Variants in SNRNP27 observed in about 807,000 individuals in gnomAD.
SNRNP27 encodes the protein small nuclear ribonucleoprotein U4/U6.U5 subunit 27, also known as U4/U6.U5 small nuclear ribonucleoprotein 27 kDa protein.
In SNRNP27, 22 loss-of-function variants were observed where a neutral mutation model predicts 25.1. The ratio of observed to expected loss-of-function variants is 0.88; its 90% CI spans 0.63 to 1.25. The LOEUF (loss-of-function observed/expected upper bound fraction) is 1.25. Ranked by LOEUF, SNRNP27 falls within the 50% of genes most tolerant of loss-of-function variation. SNRNP27 has a pLI of 0.00. For synonymous variants in SNRNP27, 66 were observed against 64.9 expected (o/e 1.02, Z -0.08); for missense variants, 150 against 202.3 (o/e 0.74, Z 1.57).
chr2:69,901,793 C>T (rs1352015964), intron 4 of SNRNP27, among the ~76,000 whole-genome samples: 1 of 152,166 alleles, frequency 6.6e-6, no homozygotes, highest in Non-Finnish European at 1.5e-5. Flanking sequence ...TGCACTCCAA[C>T]CTGGCGACAG....
intron 1 of SNRNP27, 47 bp downstream of exon 1, chr2:69,894,065 T>C (rs2278934): frequency 0.27 from 409,754 of 1,525,808 alleles, 58,877 homozygotes; most frequent in African/African-American, 0.5. Context: ...GTTGGAGGCC[T>C]GTCCCTTTTG....
At chr2:69,901,220 G>A (rs1676691715) in intron 4 of SNRNP27, among the ~76,000 whole-genome samples, 1 of 151,944 alleles carries the variant, frequency 6.6e-6, no homozygotes, top group Admixed American at 6.6e-5. Flanking sequence ...CTGTGAGGAA[G>A]GCACAGTTAA....
At chr2:69,902,533 G>A (rs1020501795) in intron 4 of SNRNP27, among the ~76,000 whole-genome samples, 1 of 150,706 alleles carries the variant, frequency 6.6e-6, no homozygotes, top group Admixed American at 6.6e-5. Context: ...TCTAGCTTCT[G>A]CTTCTGCTTC....
intron 4 of SNRNP27, among the ~76,000 whole-genome samples, chr2:69,900,957 C>T (rs1364916277): frequency 2.6e-5 from 4 of 151,864 alleles, no homozygotes; most frequent in South Asian, 2.1e-4. Context: ...CGGGGGATCA[C>T]GAGGTCAAGA....
chr2:69,895,305 G>T, intron 2 of SNRNP27, 91 bp downstream of exon 2: 1 of 1,455,036 alleles, frequency 6.9e-7, no homozygotes, highest in South Asian at 1.3e-5. Context: ...TCGCTTATAA[G>T]GGGATTTACG....
At position 69,896,557 on chromosome 2, in the gene SNRNP27, A is replaced by G. The variant is rs772723588; in HGVS notation, c.268+9A>G. On this transcript the variant is annotated intron_variant, in intron 3 of 5. Coordinates refer to ENST00000244227, the MANE Select transcript of SNRNP27 (RefSeq NM_006857.3). ...AGAACGGCAGATTACTGGTAATGTT[A>G]TTAGATAAATAACTGTAGGAAAAGT... 5.7e-6 allele frequency: 9 copies of G among 1,589,224 alleles called. No homozygotes were observed. The East Asian group carries it at 1.8e-4, about 32-fold the overall frequency.
intron 4 of SNRNP27, among the ~76,000 whole-genome samples, chr2:69,902,126 CAG>C (rs904304713): frequency 3.3e-5 from 5 of 152,200 alleles, no homozygotes; most frequent in Admixed American, 6.5e-5. Context: ...AAAATGTGAG[CAG>C]AGAGTTATAC....
At chr2:69,898,689 CAG>C (rs770155916) in intron 4 of SNRNP27, among the ~76,000 whole-genome samples, 2 of 151,888 alleles carry the variant, frequency 1.3e-5, no homozygotes. Flanking sequence ...TTTAAAATGA[CAG>C]TGTGTAACTT....
intron 4 of SNRNP27, among the ~76,000 whole-genome samples, chr2:69,901,140 C>T (rs1289008598): frequency 2.0e-5 from 3 of 150,722 alleles, no homozygotes; most frequent in Non-Finnish European, 4.4e-5. Context: ...CGCCACTGCA[C>T]TCTAGCCTAG....
rs756255283 is a variant in SNRNP27, at chr2:69,897,468, G to A, written c.348+12G>A. On this transcript the variant is annotated intron_variant, in intron 4 of 5. Transcript: ENST00000244227. The stretch of plus-strand genomic sequence containing the variant: ...TTGACTCCACAAAAGTAAGTAAAAC[G>A]TGCAACATTCTCATTTGAATTAATA... The A allele has an allele frequency of 8.9e-6, 14 of 1,575,670 alleles. No homozygotes were observed. The South Asian group carries it at 1.0e-4, about 11-fold the overall frequency.
chr2:69,903,284 T>C (rs1162112492), intron 5 of SNRNP27, 39 bp downstream of exon 5: 1 of 1,443,830 alleles, frequency 6.9e-7, no homozygotes, highest in African/African-American at 1.4e-5. Context: ...AACTAATAAA[T>C]CAGTTTTTTA....
intron 5 of SNRNP27, 68 bp from the exon 6 acceptor site, chr2:69,904,186 A>G: frequency 1.0e-6 from 1 of 965,358 alleles, no homozygotes; most frequent in Non-Finnish European, 1.5e-6. Flanking sequence ...TCTCTGATGC[A>G]TGTTTTTTTT....
intron 1 of SNRNP27, 29 bp downstream of exon 1, chr2:69,894,047 G>A (rs752554741): frequency 3.7e-6 from 6 of 1,602,930 alleles, no homozygotes; most frequent in Middle Eastern, 1.7e-4. Flanking sequence ...CGGAGGATAT[G>A]GGGCTCTGTT....
rs1295353949 is a variant in SNRNP27 at position 69,904,831 on chromosome 2, CAA to C, written c.*529_*530del. On this transcript the variant is annotated 3_prime_UTR_variant, in exon 6 of 6. Coordinates refer to ENST00000244227, the MANE Select transcript of SNRNP27 (RefSeq NM_006857.3). ...TCTTCTGTGGTCGCCCGCCCCCCCCCAAAAAAATACCATTTATGGTTCTCTCC... is the reference window on the plus strand; with the variant it reads ...TCTTCTGTGGTCGCCCGCCCCCCCCCAAAAATACCATTTATGGTTCTCTCC... 1 of 147,896 alleles carries C rather than the reference CAA, an allele frequency of 6.8e-6. No homozygotes were observed. The highest frequency in any genetic ancestry group is 1.5e-5 in the Non-Finnish European group (1 of 67,538). 9.2% of individuals were successfully genotyped at this position (147,896 alleles called of 1,614,324 possible).
chr2:69,902,192 CCTT>C (rs1282444577), intron 4 of SNRNP27, among the ~76,000 whole-genome samples: 1 of 38,640 alleles, frequency 2.6e-5, no homozygotes, highest in South Asian at 7.4e-4. Flanking sequence ...GGACTCTCCT[CCTT>C]CCTCCTTCCT....
intron 5 of SNRNP27, chr2:69,903,530 T>C: frequency 3.0e-6 from 1 of 330,776 alleles, no homozygotes; most frequent in Non-Finnish European, 5.6e-6. Flanking sequence ...TTGATTTCAT[T>C]ATAATTTAGG....
chr2:69,897,284 G>A (rs1676620782), intron 3 of SNRNP27, 93 bp from the exon 4 acceptor site: 8 of 809,556 alleles, frequency 9.9e-6, no homozygotes, highest in African/African-American at 1.7e-5. Flanking sequence ...CTGCTAGTGA[G>A]GTGGAATGAC....
chr2:69,896,883 A>G (rs1676613221), intron 3 of SNRNP27, among the ~76,000 whole-genome samples: 1 of 152,110 alleles, frequency 6.6e-6, no homozygotes, highest in Non-Finnish European at 1.5e-5. Context: ...CATGTTAGCC[A>G]GGCTGGTCTC....
rs943276420 is a variant in SNRNP27, at chr2:69,897,366, C to A, written c.269-11C>A. The A allele has an allele frequency of 2.3e-5, 37 of 1,597,926 alleles. No individual in the cohort carries two copies. The highest frequency in any genetic ancestry group is 1.5e-4 in the Admixed American group (9 of 59,634). ...ATGATAGAGAGGTCACAAAATTATT[C>A]TTTTTTGCAGAGGAAGACTTAGAGG... On this transcript the variant is annotated splice_polypyrimidine_tract_variant and intron_variant, in intron 3 of 5. Coordinates refer to ENST00000244227, the MANE Select transcript of SNRNP27 (RefSeq NM_006857.3).
Sources: allele counts gnomAD v4.1 joint callset (sites outside exome capture counted in the v4.1 genomes callset), GRCh38; gene constraint gnomAD v4.1.1; transcripts MANE v1.5; gene names NCBI Gene and HGNC (gene_info 2026-07-23, HGNC 2026-07-21).